LRRIQ3: variants seen among roughly 807,000 people sequenced by gnomAD.
The protein encoded by LRRIQ3 is leucine rich repeats and IQ motif containing 3, also known as leucine-rich repeat and IQ domain-containing protein 3.
Under a neutral mutation model 59.3 loss-of-function variants are expected in LRRIQ3, and 75 were observed. The observed-to-expected ratio is 1.26, with a 90% CI of 1.05 to 1.53. The LOEUF is 1.53. LRRIQ3 is among the 40% of genes most tolerant of loss of function. LRRIQ3 has a pLI of 0.00. For synonymous variants in LRRIQ3, 250 were observed against 231.3 expected (o/e 1.08, Z -0.73); for missense variants, 831 against 710.0 (o/e 1.17, Z -1.94).
At chr1:74,056,010 T>C (rs1046010547) in intron 6 of LRRIQ3, among the ~76,000 whole-genome samples, 1 of 151,518 alleles carries the variant, frequency 6.6e-6, no homozygotes, top group African/African-American at 2.4e-5. Flanking sequence ...CCGGGTGTGG[T>C]GGTGGGTGCC....
intron 3 of LRRIQ3, among the ~76,000 whole-genome samples, chr1:74,167,274 C>T (rs1256817030): frequency 6.6e-6 from 1 of 151,680 alleles, no homozygotes; most frequent in Non-Finnish European, 1.5e-5. Context: ...ACGACTCAGC[C>T]ATAAAAAGGA....
At chr1:74,042,831 T>C (rs1487570758) in intron 6 of LRRIQ3, among the ~76,000 whole-genome samples, 10 of 152,232 alleles carry the variant, frequency 6.6e-5, no homozygotes, top group Admixed American at 4.6e-4. Context: ...ACAATTGTTA[T>C]GTGTTATTCC....
chr1:74,067,952 A>G lies in LRRIQ3; in HGVS notation c.997+6709T>C, dbSNP rs372746435. 8.5e-5 allele frequency among the ~76,000 whole-genome samples: 13 copies of G among 152,174 alleles called. No individual in the cohort carries two copies. In the East Asian group the frequency reaches 1.5e-3, roughly 18 times the overall value. ...TACTTTTCTGAGCTCTCTTTTTACT[A>G]TAAGGTAACTTGCCAAACATAGTCA... On this transcript the variant is annotated intron_variant, in intron 6 of 7. Coordinates refer to ENST00000354431, the MANE Select transcript of LRRIQ3 (RefSeq NM_001105659.2).
chr1:74,111,782 T>C (rs1428892847), intron 4 of LRRIQ3, among the ~76,000 whole-genome samples: 3 of 152,048 alleles, frequency 2.0e-5, no homozygotes, highest in Non-Finnish European at 4.4e-5. Context: ...CAGTTCAGTA[T>C]GACAGAAGTT....
At chr1:74,060,726 A>C (rs1289882398) in intron 6 of LRRIQ3, among the ~76,000 whole-genome samples, 2 of 152,032 alleles carry the variant, frequency 1.3e-5, no homozygotes, top group Non-Finnish European at 2.9e-5. Flanking sequence ...ACACCAAAAA[A>C]AGGTAGGAGG....
intron 3 of LRRIQ3, among the ~76,000 whole-genome samples, chr1:74,176,698 G>C (rs932048880): frequency 5.9e-5 from 9 of 151,872 alleles, no homozygotes; most frequent in African/African-American, 2.2e-4. Flanking sequence ...GTCTTAATTG[G>C]CACAGCTTTA....
At chr1:74,044,728 A>T (rs1361433724) in intron 6 of LRRIQ3, among the ~76,000 whole-genome samples, 1 of 152,124 alleles carries the variant, frequency 6.6e-6, no homozygotes, top group Non-Finnish European at 1.5e-5. Context: ...GACTAATAAG[A>T]ATAAAAGAGA....
At chr1:74,166,327 A>G (rs944256567) in intron 3 of LRRIQ3, among the ~76,000 whole-genome samples, 2 of 151,246 alleles carry the variant, frequency 1.3e-5, no homozygotes, top group African/African-American at 4.9e-5. Context: ...TTTCATCCAG[A>G]CTGTCTAGTT....
At chr1:74,155,566 T>C in intron 4 of LRRIQ3, 167 bp downstream of exon 4, 1 of 435,762 alleles carries the variant, frequency 2.3e-6, no homozygotes. Context: ...TTAAATATTA[T>C]ATTACTATAG....
intron 1 of LRRIQ3, among the ~76,000 whole-genome samples, chr1:74,188,517 A>T (rs995028123): frequency 6.6e-6 from 1 of 152,154 alleles, no homozygotes; most frequent in African/African-American, 2.4e-5. Flanking sequence ...CTCTCAGTGT[A>T]ACCTTCTTTG....
chr1:74,177,528 CT>C (rs1359437184), intron 3 of LRRIQ3, among the ~76,000 whole-genome samples: 1 of 152,120 alleles, frequency 6.6e-6, no homozygotes, highest in Non-Finnish European at 1.5e-5. Context: ...GAATTTACCA[CT>C]GTGTCATTCC....
intron 1 of LRRIQ3, among the ~76,000 whole-genome samples, chr1:74,192,952 G>C (rs1557664387): frequency 6.6e-6 from 1 of 151,946 alleles, no homozygotes; most frequent in East Asian, 1.9e-4. Context: ...CTGAAAACTG[G>C]AATAACTCAA....
intron 7 of LRRIQ3, among the ~76,000 whole-genome samples, chr1:74,034,731 C>T (rs573539827): frequency 9.1e-4 from 138 of 151,486 alleles, no homozygotes; most frequent in Admixed American, 2.0e-3. Context: ...ATTTTTCATA[C>T]GTAATAAAGT....
At position 74,135,389 on chromosome 1, in the gene LRRIQ3, C is replaced by CT. The variant is rs1410321193; in HGVS notation, c.707+20343dup. The stretch of plus-strand genomic sequence containing the variant: ...AAACATATAGCAAATTATAGGAACT[C>CT]TATCAACTAACTTTACTTAACTGAT... On this transcript the variant is annotated intron_variant, in intron 4 of 7. Transcript: ENST00000354431. 8.6e-5 allele frequency among the ~76,000 whole-genome samples: 13 copies of CT among 151,962 alleles called. No homozygotes were observed. In the East Asian group the frequency reaches 2.5e-3, roughly 29 times the overall value.
At position 74,183,616 on chromosome 1, in the gene LRRIQ3, T is replaced by G. The variant is rs150539790; in HGVS notation, c.69A>C (p.Ile23=). 233 of 1,612,088 alleles carry G rather than the reference T, an allele frequency of 1.4e-4. 2 individuals are homozygous for G. In the Middle Eastern group the frequency reaches 3.3e-3, roughly 23 times the overall value. The change falls in exon 2 of 8, where the codon ATA becomes ATC. Residue 23 remains isoleucine (I), a synonymous_variant. Transcript: ENST00000354431. ...HEEWSHYNEN[I]REGQKDFVFV... ...AAACAAAATCTTTTTGACCTTCTCT[T>G]ATGTTTTCATTATAGTGACTCCATT...
intron 3 of LRRIQ3, among the ~76,000 whole-genome samples, chr1:74,175,380 C>A (rs1455077704): frequency 6.6e-6 from 1 of 152,070 alleles, no homozygotes; most frequent in African/African-American, 2.4e-5. Context: ...GATGATTTAG[C>A]TGTGCTAATT....
At chr1:74,037,329 T>C (rs1653900944) in intron 7 of LRRIQ3, among the ~76,000 whole-genome samples, 1 of 152,098 alleles carries the variant, frequency 6.6e-6, no homozygotes, top group Admixed American at 6.5e-5. Context: ...AACTGAGGTA[T>C]GCAGGGTCTT....
At chr1:74,055,355 T>C (rs1314226548) in intron 6 of LRRIQ3, among the ~76,000 whole-genome samples, 1 of 152,012 alleles carries the variant, frequency 6.6e-6, no homozygotes, top group Admixed American at 6.6e-5. Flanking sequence ...TCATTTCTTG[T>C]TCCCCCCTCT....
chr1:74,082,158 C>G (rs964360886), intron 5 of LRRIQ3: 3 of 151,140 alleles, frequency 2.0e-5, no homozygotes, highest in Non-Finnish European at 3.0e-5. Context: ...ATGTCTTTTT[C>G]AAAATATTTC....
Sources: allele counts gnomAD v4.1 joint callset (sites outside exome capture counted in the v4.1 genomes callset), GRCh38; gene constraint gnomAD v4.1.1; transcripts MANE v1.5; gene names NCBI Gene and HGNC (gene_info 2026-07-23, HGNC 2026-07-21).